The following CIB4 variants were observed in gnomAD, a reference collection of about 807,000 sequenced individuals.
CIB4 encodes the protein calcium and integrin binding family member 4.
In CIB4, 25 loss-of-function variants were observed where a neutral mutation model predicts 25.8. The observed-to-expected ratio is 0.97, with a 90% CI of 0.71 to 1.35. CIB4 has a LOEUF of 1.35. Among genes scored for constraint, CIB4 ranks in the 40% most tolerant of loss-of-function variants. The probability of loss-of-function intolerance (pLI) is 0.00; values close to 1 mark genes in which losing one functional copy is unlikely to be tolerated. For missense variants in CIB4, 235 were observed against 228.2 expected, an observed-to-expected ratio of 1.03 and a Z score of -0.19; for synonymous variants, 75 against 81.4, an observed-to-expected ratio of 0.92 and a Z score of 0.42.
At chr2:26,611,813 A>C (rs1445854915) in intron 3 of CIB4, among the ~76,000 whole-genome samples, 1 of 152,252 alleles carries the variant, frequency 6.6e-6, no homozygotes, top group African/African-American at 2.4e-5. Flanking sequence ...TGATAATTAC[A>C]CAGACTATGT....
intron 3 of CIB4, among the ~76,000 whole-genome samples, chr2:26,620,045 C>T (rs559236811): frequency 1.4e-5 from 2 of 146,866 alleles, no homozygotes; most frequent in African/African-American, 5.1e-5. Context: ...AAGCAGGACC[C>T]GAAGCCCACA....
chr2:26,617,751 C>A (rs750637973), intron 3 of CIB4, among the ~76,000 whole-genome samples: 3 of 151,990 alleles, frequency 2.0e-5, no homozygotes, highest in Non-Finnish European at 2.9e-5. Context: ...GAGCCCCCTG[C>A]GGCTGCTTTC....
chr2:26,617,790 G>C (rs926554272), intron 3 of CIB4, among the ~76,000 whole-genome samples: 1 of 152,236 alleles, frequency 6.6e-6, no homozygotes, highest in African/African-American at 2.4e-5. Context: ...CCCTCTGGCT[G>C]AGTGTAGCGT....
Position 26,640,556 on chromosome 2 carries a change from G to T in CIB4, c.66C>A (p.Phe22Leu), listed in dbSNP as rs141732203. 12 of 1,613,464 alleles carry T rather than the reference G, an allele frequency of 7.4e-6. No individual in the cohort carries two copies. Among genetic ancestry groups the T allele is most frequent in the Middle Eastern group, 3.3e-4 (2 of 6,060 alleles). ...EDLEEYQALT[F>L]LTRNEILCIH... ...ACCACAGAATTTCATTTCTGGTCAGGAAGGTCAGGGCCTGCAACAAATCAC... is the reference window on the plus strand; with the variant it reads ...ACCACAGAATTTCATTTCTGGTCAGTAAGGTCAGGGCCTGCAACAAATCAC... The change falls in exon 2 of 7, where the codon TTC (phenylalanine) becomes TTA (leucine). Residue 22 changes from phenylalanine to leucine, a missense_variant. Coordinates refer to ENST00000288861, the MANE Select transcript of CIB4 (RefSeq NM_001029881.3).
chr2:26,592,073 A>G (rs138479692), intron 4 of CIB4, among the ~76,000 whole-genome samples: 44 of 152,370 alleles, frequency 2.9e-4, no homozygotes, highest in African/African-American at 1.0e-3. Context: ...TATGTAATCT[A>G]AAGCCTCTAA....
At chr2:26,614,346 T>C (rs1181137181) in intron 3 of CIB4, among the ~76,000 whole-genome samples, 1 of 152,088 alleles carries the variant, frequency 6.6e-6, no homozygotes, top group Non-Finnish European at 1.5e-5. Context: ...GATGAGCATG[T>C]CCCCAGGCCC....
At chr2:26,607,181 C>G (rs546837151) in intron 3 of CIB4, among the ~76,000 whole-genome samples, 1 of 152,098 alleles carries the variant, frequency 6.6e-6, no homozygotes, top group African/African-American at 2.4e-5. Context: ...TTGGGGTAGG[C>G]AGTGGAGCGA....
chr2:26,592,064 A>T (rs1668595735), intron 4 of CIB4, among the ~76,000 whole-genome samples: 1 of 152,246 alleles, frequency 6.6e-6, no homozygotes, highest in Admixed American at 6.5e-5. Flanking sequence ...TTACTAATGT[A>T]TGTAATCTAA....
intron 2 of CIB4, among the ~76,000 whole-genome samples, chr2:26,636,948 T>C (rs756301931): frequency 6.6e-5 from 10 of 152,174 alleles, no homozygotes; most frequent in Non-Finnish European, 1.0e-4. Context: ...TGACTTAGTG[T>C]GTGTAGGCCG....
rs1669520152 is a variant in CIB4, at chr2:26,635,725, C to G, written c.89+4808G>C. 2.0e-5 allele frequency among the ~76,000 whole-genome samples: 3 copies of G among 152,272 alleles called. 1 individual carries two copies. The South Asian group carries it at 6.2e-4, about 32-fold the overall frequency. ...TACAGACAGCATGCCCACACCAACC[C>G]TAACATATTCCACTCCCCAGGGCCC... On this transcript the variant is annotated intron_variant, in intron 2 of 6. Coordinates refer to ENST00000288861, the MANE Select transcript of CIB4 (RefSeq NM_001029881.3).
At chr2:26,581,533 C>T in intron 6 of CIB4, 140 bp from the exon 7 acceptor site, 2 of 818,598 alleles carry the variant, frequency 2.4e-6, no homozygotes, top group Admixed American at 2.1e-5. Flanking sequence ...CACTTTGCAG[C>T]CATCCCAAAG....
intron 3 of CIB4, among the ~76,000 whole-genome samples, chr2:26,597,728 G>C (rs1387862628): frequency 2.6e-5 from 4 of 152,170 alleles, no homozygotes; most frequent in South Asian, 2.1e-4. Context: ...ATATACATAT[G>C]ATGAGTACAT....
At chr2:26,639,287 G>A (rs1669591837) in intron 2 of CIB4, among the ~76,000 whole-genome samples, 1 of 151,306 alleles carries the variant, frequency 6.6e-6, no homozygotes, top group African/African-American at 2.4e-5. Context: ...ATGGTGGTTT[G>A]CTGCACCCAT....
chr2:26,601,297 G>T (rs1447832585), intron 3 of CIB4, among the ~76,000 whole-genome samples: 9 of 145,900 alleles, frequency 6.2e-5, no homozygotes, highest in Non-Finnish European at 1.3e-4. Flanking sequence ...TAATTAATGT[G>T]GTATGGTATT....
At chr2:26,608,351 A>G (rs1435874994) in intron 3 of CIB4, among the ~76,000 whole-genome samples, 1 of 152,116 alleles carries the variant, frequency 6.6e-6, no homozygotes, top group Non-Finnish European at 1.5e-5. Flanking sequence ...AGGCTAGAGA[A>G]TGACAGAGGC....
At chr2:26,638,204 T>C (rs1303211895) in intron 2 of CIB4, among the ~76,000 whole-genome samples, 3 of 152,124 alleles carry the variant, frequency 2.0e-5, no homozygotes, top group African/African-American at 7.2e-5. Context: ...GAGCCTTCCC[T>C]GGCAGCACTC....
intron 3 of CIB4, among the ~76,000 whole-genome samples, chr2:26,595,661 GA>G (rs1668668248): frequency 6.6e-6 from 1 of 152,252 alleles, no homozygotes; most frequent in African/African-American, 2.4e-5. Flanking sequence ...TAGAAATCAT[GA>G]GCATCCAGGC....
At chr2:26,601,400 A>G (rs1194004643) in intron 3 of CIB4, among the ~76,000 whole-genome samples, 1 of 151,904 alleles carries the variant, frequency 6.6e-6, no homozygotes, top group Non-Finnish European at 1.5e-5. Flanking sequence ...GACAAAGATA[A>G]CATGGCAATG....
In CIB4 at chr2:26,585,112, T is replaced by G. The variant is rs1485307690; in HGVS notation, c.329-1214A>C. 3.3e-5 allele frequency among the ~76,000 whole-genome samples: 5 copies of G among 151,986 alleles called. No individual in the cohort carries two copies. The East Asian group carries it at 9.6e-4, about 29-fold the overall frequency. ...TTTCCCACAGAGCCACCTTGAGGGG[T>G]GTCCTTTATCCCTCAGGGCTGCCTA... On this transcript the variant is annotated intron_variant, in intron 4 of 6. Transcript: ENST00000288861.
Sources: allele counts gnomAD v4.1 joint callset (sites outside exome capture counted in the v4.1 genomes callset), GRCh38; gene constraint gnomAD v4.1.1; transcripts MANE v1.5; gene names NCBI Gene and HGNC (gene_info 2026-07-23, HGNC 2026-07-21).